Variants in CLVS1 observed in about 807,000 individuals in gnomAD.
The protein encoded by CLVS1 is clavesin-1.
Under a neutral mutation model 33.1 loss-of-function variants are expected in CLVS1, and 10 were observed. The ratio of observed to expected loss-of-function variants is 0.30; its 90% CI spans 0.19 to 0.51. The LOEUF (loss-of-function observed/expected upper bound fraction) is 0.51. Among genes scored for constraint, CLVS1 ranks in the 20% least tolerant of loss-of-function variants. The pLI is 0.97. For synonymous variants in CLVS1, 163 were observed against 166.1 expected (o/e 0.98, Z 0.14); for missense variants, 343 against 433.4 (o/e 0.79, Z 1.85).
the CLVS1 span, among the ~76,000 whole-genome samples, chr8:60,968,108 T>G: frequency 6.6e-6 from 1 of 152,150 alleles, no homozygotes; most frequent in Non-Finnish European, 1.5e-5. Context: ...TTGTTACGTA[T>G]TTTTTTGTGG....
At chr8:61,014,338 G>A in the CLVS1 span, among the ~76,000 whole-genome samples, 2 of 152,242 alleles carry the variant, frequency 1.3e-5, no homozygotes, top group Non-Finnish European at 2.9e-5. Context: ...CTGCTTTAAT[G>A]AGCATGTCTC....
At chr8:61,074,360 G>GTGTA (rs1554532033) in intron 1 of CLVS1, among the ~76,000 whole-genome samples, 52 of 92,320 alleles carry the variant, frequency 5.6e-4, no homozygotes, top group African/African-American at 5.0e-3. Context: ...GTGTGTGTGT[G>GTGTA]TATATATATA....
intron 1 of CLVS1, among the ~76,000 whole-genome samples, chr8:61,069,283 A>G (rs1221480346): frequency 1.3e-5 from 2 of 152,118 alleles, no homozygotes; most frequent in Non-Finnish European, 2.9e-5. Context: ...TCTTTTTACA[A>G]TGTAGGTCAT....
chr8:61,295,221 G>A (rs1810152381), intron 1 of CLVS1, among the ~76,000 whole-genome samples: 1 of 152,158 alleles, frequency 6.6e-6, no homozygotes, highest in Non-Finnish European at 1.5e-5. Flanking sequence ...GATGGCCTCT[G>A]AGGCTTACAT....
chr8:61,078,748 CT>C (rs1804970318), intron 1 of CLVS1, among the ~76,000 whole-genome samples: 1 of 152,198 alleles, frequency 6.6e-6, no homozygotes, highest in Admixed American at 6.5e-5. Flanking sequence ...TGAGAGACTC[CT>C]TTTGAGTTTG....
intron 1 of CLVS1, chr8:61,090,888 G>A (rs771426882): frequency 1.9e-6 from 1 of 518,884 alleles, no homozygotes. Context: ...TGGACTTGAA[G>A]CTGTAATGAG....
At chr8:61,444,674 C>A (rs1341416806) in intron 3 of CLVS1, among the ~76,000 whole-genome samples, 1 of 151,016 alleles carries the variant, frequency 6.6e-6, no homozygotes, top group African/African-American at 2.5e-5. Flanking sequence ...ATGGGAAAGC[C>A]CCGAGGTTAG....
intron 1 of CLVS1, among the ~76,000 whole-genome samples, chr8:61,097,102 T>C (rs1370091708): frequency 6.6e-6 from 1 of 151,910 alleles, no homozygotes; most frequent in Non-Finnish European, 1.5e-5. Context: ...GGCTCATGCA[T>C]GTAATCCCAG....
chr8:61,065,841 G>A (rs1804668045), intron 1 of CLVS1, among the ~76,000 whole-genome samples: 1 of 151,936 alleles, frequency 6.6e-6, no homozygotes, highest in Admixed American at 6.6e-5. Flanking sequence ...CTTTTTTGTT[G>A]GTAAAATTGG....
At chr8:61,168,490 G>T (rs1806926641) in intron 2 of CLVS1, among the ~76,000 whole-genome samples, 1 of 152,152 alleles carries the variant, frequency 6.6e-6, no homozygotes, top group African/African-American at 2.4e-5. Flanking sequence ...GCAATGTAGA[G>T]AAAATAATTA....
intron 1 of CLVS1, among the ~76,000 whole-genome samples, chr8:61,118,272 TATTA>T (rs1805781123): frequency 1.3e-5 from 2 of 152,204 alleles, no homozygotes; most frequent in African/African-American, 4.8e-5. Context: ...TTTTTTTCTT[TATTA>T]GTCTTGCTAG....
intron 1 of CLVS1, among the ~76,000 whole-genome samples, chr8:61,065,943 A>G (rs1804669813): frequency 6.6e-6 from 1 of 152,240 alleles, no homozygotes; most frequent in African/African-American, 2.4e-5. Flanking sequence ...TGTGACATGG[A>G]ATAATCCTCA....
chr8:61,195,334 T>C (rs151210234), intron 2 of CLVS1, among the ~76,000 whole-genome samples: 2,669 of 151,678 alleles, frequency 0.018, 36 homozygotes, highest in African/African-American at 0.028. Context: ...ATGATCCAAA[T>C]CAGGAATTAA....
chr8:61,481,715 G>A (rs2078471513), intron 5 of CLVS1, among the ~76,000 whole-genome samples: 1 of 152,224 alleles, frequency 6.6e-6, no homozygotes, highest in African/African-American at 2.4e-5. Context: ...CTAACTGGGT[G>A]GAGCCCACCG....
At chr8:61,138,137 A>T (rs1365038217) in intron 2 of CLVS1, among the ~76,000 whole-genome samples, 1 of 152,230 alleles carries the variant, frequency 6.6e-6, no homozygotes, top group Non-Finnish European at 1.5e-5. Context: ...ATAAGTCAAC[A>T]AGATGGGTAG....
chr8:61,407,110 A>G lies in CLVS1; in HGVS notation c.630+30331A>G, dbSNP rs529014079. ...TCTCATGGTGTACATTACATCGCACATAATAATCCCACAAGGGGAATTCCT... is the reference window on the plus strand; with the variant it reads ...TCTCATGGTGTACATTACATCGCACGTAATAATCCCACAAGGGGAATTCCT... On this transcript the variant is annotated intron_variant, in intron 3 of 5. Transcript: ENST00000325897. 1.2e-4 allele frequency among the ~76,000 whole-genome samples: 19 copies of G among 152,364 alleles called. 1 individual carries two copies. The highest frequency in any genetic ancestry group is 6.8e-3 in the Middle Eastern group (2 of 294).
At chr8:61,308,564 G>A (rs12114069) in intron 2 of CLVS1, among the ~76,000 whole-genome samples, 2,036 of 152,250 alleles carry the variant, frequency 0.013, 32 homozygotes, top group African/African-American at 0.046. Flanking sequence ...CGGTAGAACC[G>A]TATTAAGCAC....
intron 1 of CLVS1, among the ~76,000 whole-genome samples, chr8:61,075,991 CT>C (rs1208142858): frequency 1.3e-5 from 2 of 152,152 alleles, no homozygotes; most frequent in African/African-American, 4.8e-5. Flanking sequence ...AGTTTAAAAT[CT>C]AAATTAGAAA....
chr8:61,360,303 G>A (rs1056939625), intron 2 of CLVS1, among the ~76,000 whole-genome samples: 2 of 152,028 alleles, frequency 1.3e-5, no homozygotes, highest in Non-Finnish European at 2.9e-5. Context: ...GGTTTTATTT[G>A]GGACCTAGAT....
Sources: gnomAD v4.1 joint callset for allele counts (sites outside exome capture counted in the v4.1 genomes callset) on GRCh38, gnomAD v4.1.1 for gene constraint, MANE v1.5 for transcripts, NCBI Gene and HGNC (gene_info 2026-07-23, HGNC 2026-07-21) for gene names.